The following SCG3 variants were observed in gnomAD, a reference collection of about 807,000 sequenced individuals.
SCG3 encodes the protein secretogranin-3.
SCG3 carries 38 observed loss-of-function variants against 56.2 expected under a neutral mutation model. That is an observed-to-expected ratio of 0.68 (90% CI 0.52 to 0.89). The LOEUF (loss-of-function observed/expected upper bound fraction) is 0.89. Among genes scored for constraint, SCG3 ranks in the 40% least tolerant of loss-of-function variants. The pLI, the probability that SCG3 is intolerant of heterozygous loss-of-function variation, is 0.00. For missense variants in SCG3, 524 were observed against 540.7 expected, an observed-to-expected ratio of 0.97 and a Z score of 0.31; for synonymous variants, 176 against 184.2, an observed-to-expected ratio of 0.96 and a Z score of 0.36.
chr15:51,708,498 G>A lies in SCG3; in HGVS notation c.1208-4835G>A, dbSNP rs536995985. On this transcript the variant is annotated intron_variant, in intron 10 of 11. Coordinates refer to ENST00000220478, the MANE Select transcript of SCG3 (RefSeq NM_013243.4). ...GATTCTGATTTAATTGGTCTGAGGA[G>A]CAATTTGGACATTGGGCCTTTAAAA... is the stretch of plus-strand genomic sequence containing the variant. Among the ~76,000 whole-genome samples, 4 of 152,292 alleles carry A rather than the reference G, an allele frequency of 2.6e-5. No homozygotes were observed. The South Asian group carries it at 8.3e-4, about 32-fold the overall frequency.
At chr15:51,701,521 T>C (rs541702669) in intron 10 of SCG3, among the ~76,000 whole-genome samples, 2 of 152,336 alleles carry the variant, frequency 1.3e-5, no homozygotes, top group Admixed American at 1.3e-4. Context: ...CATTAGTGCA[T>C]TGTTTAACAT....
chr15:51,708,646 G>C (rs1335302609), intron 10 of SCG3, among the ~76,000 whole-genome samples: 2 of 152,172 alleles, frequency 1.3e-5, no homozygotes, highest in Non-Finnish European at 2.9e-5. Flanking sequence ...ACGAGGTCAG[G>C]AGATCGAGAC....
At chr15:51,702,943 T>C (rs1309311241) in intron 10 of SCG3, among the ~76,000 whole-genome samples, 1 of 152,176 alleles carries the variant, frequency 6.6e-6, no homozygotes, top group East Asian at 1.9e-4. Context: ...ACAGCAAGAT[T>C]AATGTCTCAT....
At chr15:51,704,278 T>TATATATATATATATAA (rs1390526701) in intron 10 of SCG3, among the ~76,000 whole-genome samples, 2 of 131,362 alleles carry the variant, frequency 1.5e-5, no homozygotes, top group African/African-American at 3.1e-5. Flanking sequence ...TATATATATA[T>TATATATATATATATAA]AAAATAGCTC....
At position 51,719,667 on chromosome 15, in the gene SCG3, G is replaced by A; in HGVS notation, c.*141G>A. 1.7e-6 allele frequency: 1 copy of A among 597,894 alleles called. No individual in the cohort carries two copies. The highest frequency in any genetic ancestry group is 2.2e-5 in the South Asian group (1 of 44,950). 37.0% of individuals were successfully genotyped at this position (597,894 alleles called of 1,614,324 possible). ...ATTTACAGTAGTTAACCTTTTACAA[G>A]TGGTTAAAACATAGCTTTCTTCCCG... On this transcript the variant is annotated 3_prime_UTR_variant, in exon 12 of 12. Transcript: ENST00000220478.
At chr15:51,711,753 G>A (rs1297116333) in intron 10 of SCG3, among the ~76,000 whole-genome samples, 1 of 152,192 alleles carries the variant, frequency 6.6e-6, no homozygotes, top group Non-Finnish European at 1.5e-5. Flanking sequence ...CCAGACTGCT[G>A]AAATCAAGGA....
intron 11 of SCG3, among the ~76,000 whole-genome samples, chr15:51,715,420 T>A (rs756580980): frequency 6.6e-6 from 1 of 152,112 alleles, no homozygotes; most frequent in Non-Finnish European, 1.5e-5. Flanking sequence ...GAATTACTAT[T>A]AGTTCTGACC....
chr15:51,691,627 T>C (rs1308821800), intron 6 of SCG3, among the ~76,000 whole-genome samples: 2 of 152,094 alleles, frequency 1.3e-5, no homozygotes, highest in Non-Finnish European at 2.9e-5. Flanking sequence ...GAATGAACCA[T>C]TTACTAAGAT....
At chr15:51,697,610 T>C (rs1009173371) in intron 8 of SCG3, among the ~76,000 whole-genome samples, 4 of 152,214 alleles carry the variant, frequency 2.6e-5, no homozygotes, top group Non-Finnish European at 5.9e-5. Context: ...CATTGGCTTG[T>C]AGGAGCAAAG....
intron 6 of SCG3, among the ~76,000 whole-genome samples, chr15:51,691,080 T>C (rs1358067796): frequency 6.6e-6 from 1 of 152,186 alleles, no homozygotes; most frequent in Non-Finnish European, 1.5e-5. Context: ...AATGCTTCCC[T>C]AAGGAAGTAA....
intron 10 of SCG3, among the ~76,000 whole-genome samples, chr15:51,703,897 C>A (rs1247214621): frequency 6.6e-6 from 1 of 152,038 alleles, no homozygotes; most frequent in African/African-American, 2.4e-5. Context: ...TTTTTTCCTA[C>A]ATTTTATATT....
At chr15:51,685,553 T>C (rs554726753) in intron 4 of SCG3, among the ~76,000 whole-genome samples, 5 of 152,338 alleles carry the variant, frequency 3.3e-5, no homozygotes, top group African/African-American at 1.2e-4. Context: ...CCAAGGTTCT[T>C]GGAGAAAATG....
chr15:51,690,430 C>T (rs1231939237), intron 6 of SCG3, among the ~76,000 whole-genome samples: 1 of 152,126 alleles, frequency 6.6e-6, no homozygotes, highest in African/African-American at 2.4e-5. Context: ...CATGGCTCCT[C>T]ATCTCCTCCA....
rs1414595367 is a variant in SCG3, at chr15:51,704,236, CATACATACATAT to C, written c.1207+2996_1207+3007del. Among the ~76,000 whole-genome samples, 168 of 54,308 alleles carry C rather than the reference CATACATACATAT, an allele frequency of 3.1e-3. 1 individual carries two copies. The highest frequency in any genetic ancestry group is 8.9e-3 in the African/African-American group (157 of 17,690). 35.6% of individuals were successfully genotyped at this position (54,308 alleles called of 152,430 possible). ...ATATATATATATGTGTGTATACATA[CATACATACATAT>C]ATATATATATATATATATATATATA... On this transcript the variant is annotated intron_variant, in intron 10 of 11. Transcript: ENST00000220478.
At position 51,720,620 on chromosome 15, in the gene SCG3, A is replaced by C. The variant is rs549486649; in HGVS notation, c.*1094A>C. ...AAATAACATAATATGTAATTTGTGT[A>C]TTAGTGAGAGGTGAAGCCAGCTGGA... On this transcript the variant is annotated 3_prime_UTR_variant, in exon 12 of 12. Coordinates refer to ENST00000220478, the MANE Select transcript of SCG3 (RefSeq NM_013243.4). The C allele has an allele frequency of 1.3e-5, 2 of 152,364 alleles. No individual in the cohort carries two copies. The highest frequency in any genetic ancestry group is 4.1e-4 in the South Asian group (2 of 4,828). 9.4% of individuals were successfully genotyped at this position (152,364 alleles called of 1,614,324 possible). A position where few individuals can be genotyped will look rare whatever the true frequency, so the allele number is the denominator to read the frequency against.
At chr15:51,691,998 G>T (rs1236904990) in intron 6 of SCG3, among the ~76,000 whole-genome samples, 161 bp from the exon 7 acceptor site, 1 of 152,174 alleles carries the variant, frequency 6.6e-6, no homozygotes, top group East Asian at 1.9e-4. Context: ...CAAATGACAA[G>T]AGCACACATA....
At chr15:51,692,117 C>G (rs1271356142) in intron 6 of SCG3, 42 bp from the exon 7 acceptor site, 4 of 1,548,130 alleles carry the variant, frequency 2.6e-6, no homozygotes, top group Non-Finnish European at 1.7e-6. Flanking sequence ...TTCACTAGTT[C>G]TAACAAAATG....
At chr15:51,691,366 T>C (rs2055266040) in intron 6 of SCG3, among the ~76,000 whole-genome samples, 1 of 152,218 alleles carries the variant, frequency 6.6e-6, no homozygotes, top group African/African-American at 2.4e-5. Flanking sequence ...CATGATCAGA[T>C]TGTTAAAAAG....
In SCG3 at chr15:51,688,259, G is replaced by C. The variant is rs1403149170; in HGVS notation, c.398-1G>C. 6.2e-7 allele frequency: 1 copy of C among 1,612,904 alleles called. No individual in the cohort carries two copies. The highest frequency in any genetic ancestry group is 1.1e-5 in the South Asian group (1 of 90,990). Reference sequence around the variant, plus strand: ...TGTGAAGTTGTGGTCGTTCTGTCTAGATGATCCAGATGGTCTTCATCAACT... The same window carrying C: ...TGTGAAGTTGTGGTCGTTCTGTCTACATGATCCAGATGGTCTTCATCAACT... On this transcript the variant is annotated splice_acceptor_variant, in intron 4 of 11. Coordinates refer to ENST00000220478, the MANE Select transcript of SCG3 (RefSeq NM_013243.4). LOFTEE classifies it high-confidence loss of function.
Sources: allele counts gnomAD v4.1 joint callset (sites outside exome capture counted in the v4.1 genomes callset), GRCh38; gene constraint gnomAD v4.1.1; transcripts MANE v1.5; gene names NCBI Gene and HGNC (gene_info 2026-07-23, HGNC 2026-07-21).